CHD7: variants seen among roughly 807,000 people sequenced by gnomAD.
CHD7 encodes the protein ATP-dependent chromatin remodeler CHD7.
Under a neutral mutation model 307.3 loss-of-function variants are expected in CHD7, and 24 were observed. The ratio of observed to expected loss-of-function variants is 0.08; its 90% confidence interval spans 0.06 to 0.11. The LOEUF is 0.11. Ranked by LOEUF, CHD7 falls within the 10% of genes least tolerant of loss-of-function variation. The pLI is 1.00. For missense variants in CHD7, 3,106 were observed against 3,727.1 expected (o/e 0.83, Z 4.34); for synonymous variants, 1,363 against 1,349.9 (o/e 1.01, Z -0.21).
Position 60,678,821 on chromosome 8 carries a change from G to GAGTCGTGGTGGTGC in CHD7, c.-435_-422dup, listed in dbSNP as rs1805408281. On this transcript the variant is annotated 5_prime_UTR_variant, in exon 1 of 38. Coordinates refer to ENST00000423902, the MANE Select transcript of CHD7 (RefSeq NM_017780.4). The stretch of plus-strand genomic sequence containing the variant: ...CGGCGGCGGCGGCGGCGCGGGGGTT[G>GAGTCGTGGTGGTGC]AGTCGTGGTGGTGCGGACGCGCTCG... 1 of 148,496 alleles carries GAGTCGTGGTGGTGC rather than the reference G, an allele frequency of 6.7e-6. No homozygotes were observed. The highest frequency in any genetic ancestry group is 6.7e-5 in the Admixed American group (1 of 14,818). The allele number at this position is 148,496 out of a possible 1,614,324, so 9.2% of individuals were successfully genotyped here.
intron 31 of CHD7, among the ~76,000 whole-genome samples, chr8:60,853,793 T>G (rs1319456901): frequency 6.6e-6 from 1 of 152,230 alleles, no homozygotes; most frequent in Non-Finnish European, 1.5e-5. Context: ...TATTAAGAAT[T>G]CTATGTGATT....
chr8:60,773,525 G>A (rs1037647293), intron 2 of CHD7, among the ~76,000 whole-genome samples: 1 of 152,074 alleles, frequency 6.6e-6, no homozygotes, highest in Non-Finnish European at 1.5e-5. Context: ...TAAACAGGCT[G>A]TTTCAACTAT....
intron 13 of CHD7, among the ~76,000 whole-genome samples, chr8:60,828,412 A>G (rs571215578): frequency 2.0e-5 from 3 of 152,306 alleles, no homozygotes; most frequent in Non-Finnish European, 4.4e-5. Context: ...ATACTGACCT[A>G]TAACCCCAGG....
intron 1 of CHD7, among the ~76,000 whole-genome samples, chr8:60,720,735 C>T (rs189558849): frequency 1.3e-5 from 2 of 152,308 alleles, no homozygotes; most frequent in South Asian, 2.1e-4. Context: ...AGCAGTGGCT[C>T]CTTGGCAGGC....
Position 60,788,379 on chromosome 8 carries a change from G to A in CHD7, c.2097-6607G>A, listed in dbSNP as rs552599648. Among the ~76,000 whole-genome samples, 19 of 152,134 alleles carry A rather than the reference G, an allele frequency of 1.2e-4. No individual in the cohort carries two copies. The East Asian group carries it at 1.9e-3, about 15-fold the overall frequency. On this transcript the variant is annotated intron_variant, in intron 3 of 37. Transcript: ENST00000423902. ...TGGTCTCGAACTCCTGGCCTCAAGC[G>A]GTCCACCTGCCTTGGCTTCCCAAAG...
At chr8:60,797,914 A>G (rs944882262) in intron 4 of CHD7, among the ~76,000 whole-genome samples, 1 of 152,212 alleles carries the variant, frequency 6.6e-6, no homozygotes, top group African/African-American at 2.4e-5. Flanking sequence ...GGAGCTGATT[A>G]ATGATGACTT....
chr8:60,830,379 G>A lies in CHD7; in HGVS notation c.3580G>A (p.Val1194Ile), dbSNP rs764084755. The A allele has an allele frequency of 6.2e-7, 1 of 1,613,954 alleles. No individual in the cohort carries two copies. The highest frequency in any genetic ancestry group is 8.5e-7 in the Non-Finnish European group (1 of 1,179,826). Reference sequence around the variant, plus strand: ...GATGTTGAGACGTCTCAAAGAGGATGTAGAAAAGAACTTGGCCCCCAAAGA... The same window carrying A: ...GATGTTGAGACGTCTCAAAGAGGATATAGAAAAGAACTTGGCCCCCAAAGA... ...PMMLRRLKEDVEKNLAPKEET... is the reference protein window; with the variant it reads ...PMMLRRLKEDIEKNLAPKEET... The change falls in exon 15 of 38, where the codon GTA becomes ATA. Residue 1194 changes from valine to isoleucine, a missense_variant. By Grantham distance (29) the Val-to-Ile change is conservative (BLOSUM62 3). Transcript: ENST00000423902.
chr8:60,762,446 C>T (rs1016732175), intron 2 of CHD7, among the ~76,000 whole-genome samples: 3 of 152,146 alleles, frequency 2.0e-5, no homozygotes, highest in Non-Finnish European at 2.9e-5. Context: ...CCTGGAGTCC[C>T]GACTCTGTCA....
At chr8:60,840,015 T>G (rs1466639656) in intron 19 of CHD7, among the ~76,000 whole-genome samples, 2 of 152,242 alleles carry the variant, frequency 1.3e-5, no homozygotes, top group Non-Finnish European at 2.9e-5. Flanking sequence ...TTCATATAAA[T>G]GGAATCATAT....
chr8:60,800,384 T>G lies in CHD7; in HGVS notation c.2239-4T>G. On this transcript the variant is annotated splice_region_variant and splice_polypyrimidine_tract_variant and intron_variant, in intron 4 of 37. Coordinates refer to ENST00000423902, the MANE Select transcript of CHD7 (RefSeq NM_017780.4). ...AAGGCCACTGTCTTGGGTTTTTGTTTTAGAAGAGACGGTCCAGCAGACAGG... is the reference window on the plus strand; with the variant it reads ...AAGGCCACTGTCTTGGGTTTTTGTTGTAGAAGAGACGGTCCAGCAGACAGG... 6.2e-7 allele frequency: 1 copy of G among 1,612,858 alleles called. No individual in the cohort carries two copies. Among genetic ancestry groups the G allele is most frequent in the Non-Finnish European group, 8.5e-7 (1 of 1,179,366 alleles).
At position 60,822,836 on chromosome 8, in the gene CHD7, C is replaced by A. The variant is rs1032954489; in HGVS notation, c.3201+90C>A. 3.2e-6 allele frequency: 4 copies of A among 1,256,440 alleles called. No individual in the cohort carries two copies. In the African/African-American group the frequency reaches 6.0e-5, roughly 19 times the overall value. The allele number at this position is 1,256,440 out of a possible 1,614,324, so 77.8% of individuals were successfully genotyped here. On this transcript the variant is annotated intron_variant, in intron 12 of 37. Transcript: ENST00000423902. The stretch of plus-strand genomic sequence containing the variant: ...CAAAGTCTTGGTGACTTGGGAAGGT[C>A]TAAATTTTGCCAAATTGAGAAATTT...
chr8:60,860,195 A>G (rs929846464), intron 34 of CHD7, among the ~76,000 whole-genome samples: 1 of 152,196 alleles, frequency 6.6e-6, no homozygotes, highest in Non-Finnish European at 1.5e-5. Flanking sequence ...TAAGTTACAT[A>G]TAGACTGGCT....
At position 60,852,170 on chromosome 8, in the gene CHD7, G is replaced by A; in HGVS notation, c.5817G>A (p.Arg1939=). 6.2e-7 allele frequency: 1 copy of A among 1,613,908 alleles called. No individual in the cohort carries two copies. Among genetic ancestry groups the A allele is most frequent in the South Asian group, 1.1e-5 (1 of 91,088 alleles). ...AAGAGGCCCTAATGAAGACTGACCG[G>A]CGCAGACGGCGGCCTCGAGAGGAAG... is the stretch of plus-strand genomic sequence containing the variant. ...MRQEALMKTD[R]RRRRPREEVR... is the part of the protein sequence containing the mutation. Residue 1939 remains arginine, a synonymous_variant, in exon 29 of 38, where the codon CGG becomes CGA. Transcript: ENST00000423902.
chr8:60,790,244 C>T (rs1811703422), intron 3 of CHD7, among the ~76,000 whole-genome samples: 2 of 151,978 alleles, frequency 1.3e-5, no homozygotes, highest in Non-Finnish European at 2.9e-5. Flanking sequence ...GTGGTTGGCT[C>T]CGTGTCTCTT....
At chr8:60,686,159 A>G (rs1208997626) in intron 1 of CHD7, among the ~76,000 whole-genome samples, 4 of 152,160 alleles carry the variant, frequency 2.6e-5, no homozygotes, top group Non-Finnish European at 5.9e-5. Context: ...GCTTCATGTG[A>G]AAGTTTACCT....
At chr8:60,825,701 T>C (rs1005373808) in intron 13 of CHD7, among the ~76,000 whole-genome samples, 3 of 152,244 alleles carry the variant, frequency 2.0e-5, no homozygotes, top group Admixed American at 6.5e-5. Context: ...TAAACAGTCA[T>C]CTGACTGAAC....
chr8:60,743,916 C>CT (rs1288216501), intron 2 of CHD7, among the ~76,000 whole-genome samples: 2 of 152,226 alleles, frequency 1.3e-5, no homozygotes, highest in African/African-American at 4.8e-5. Flanking sequence ...AATTGCAGCT[C>CT]TGTTTTTGGG....
chr8:60,721,731 C>T (rs1047115966), intron 1 of CHD7, among the ~76,000 whole-genome samples: 3 of 152,204 alleles, frequency 2.0e-5, no homozygotes, highest in East Asian at 1.9e-4. Context: ...GGTCCATGTT[C>T]GGAGAACCAC....
chr8:60,772,119 C>T (rs1028905338), intron 2 of CHD7, among the ~76,000 whole-genome samples: 3 of 152,206 alleles, frequency 2.0e-5, no homozygotes, highest in Non-Finnish European at 4.4e-5. Flanking sequence ...AGTAGTCTGT[C>T]ATTAAGCAAT....
Sources: gnomAD v4.1 joint callset for allele counts (sites outside exome capture counted in the v4.1 genomes callset) on GRCh38, gnomAD v4.1.1 for gene constraint, MANE v1.5 for transcripts, NCBI Gene and HGNC (gene_info 2026-07-23, HGNC 2026-07-21) for gene names.